Variants in RFTN1 observed in about 807,000 individuals in gnomAD.
The protein encoded by RFTN1 is raftlin, lipid raft linker 1.
Under a neutral mutation model 46.5 loss-of-function variants are expected in RFTN1, and 26 were observed. That is an observed-to-expected ratio of 0.56 (90% confidence interval 0.41 to 0.78). RFTN1 has a LOEUF of 0.78. Ranked by LOEUF, RFTN1 falls within the 30% of genes least tolerant of loss-of-function variation. The pLI, the probability that RFTN1 is intolerant of heterozygous loss-of-function variation, is 0.00. For synonymous variants in RFTN1, 261 were observed against 284.2 expected (o/e 0.92, Z 0.82); for missense variants, 693 against 718.7 (o/e 0.96, Z 0.41).
chr3:16,362,992 C>G (rs1182466008), intron 6 of RFTN1, among the ~76,000 whole-genome samples: 1 of 152,198 alleles, frequency 6.6e-6, no homozygotes, highest in Non-Finnish European at 1.5e-5. Flanking sequence ...ACACCCAGAT[C>G]CTTATTCACC....
intron 9 of RFTN1, among the ~76,000 whole-genome samples, chr3:16,318,105 C>A (rs913594311): frequency 6.6e-6 from 1 of 152,144 alleles, no homozygotes; most frequent in Non-Finnish European, 1.5e-5. Context: ...GTCACGCGGC[C>A]AGTAATAGAG....
chr3:16,408,335 T>C (rs1575243789), intron 4 of RFTN1, among the ~76,000 whole-genome samples: 1 of 152,184 alleles, frequency 6.6e-6, no homozygotes, highest in Non-Finnish European at 1.5e-5. Context: ...AGTTCGGCTG[T>C]TTTATTCTCT....
At position 16,391,343 on chromosome 3, in the gene RFTN1, C is replaced by T. The variant is rs759024710; in HGVS notation, c.442-13241G>A. Reference sequence around the variant, plus strand: ...TGACTCTTTTGTCCAACTTACATATCCTGGGTTACATGTATAGAATACAGT... The same window carrying T: ...TGACTCTTTTGTCCAACTTACATATTCTGGGTTACATGTATAGAATACAGT... On this transcript the variant is annotated intron_variant, in intron 4 of 9. Coordinates refer to ENST00000334133, the MANE Select transcript of RFTN1 (RefSeq NM_015150.2). Among the ~76,000 whole-genome samples the T allele has an allele frequency of 3.1e-4, 47 of 152,270 alleles. 2 individuals carry two copies. Among genetic ancestry groups the T allele is most frequent in the Admixed American group, 2.1e-3 (32 of 15,306 alleles).
At chr3:16,319,664 G>C (rs143650357) in intron 9 of RFTN1, among the ~76,000 whole-genome samples, 1 of 152,206 alleles carries the variant, frequency 6.6e-6, no homozygotes, top group Non-Finnish European at 1.5e-5. Context: ...GCCACATCCA[G>C]TTTCCTGTAG....
At chr3:16,390,160 G>A (rs549855359) in intron 4 of RFTN1, among the ~76,000 whole-genome samples, 30 of 152,294 alleles carry the variant, frequency 2.0e-4, no homozygotes, top group Admixed American at 1.5e-3. Flanking sequence ...GACTGCTATT[G>A]TTTAAAGCCA....
rs1238105051 is a variant in RFTN1 at position 16,460,842 on chromosome 3, C to T, written c.146-26805G>A. On this transcript the variant is annotated intron_variant, in intron 2 of 9. Transcript: ENST00000334133. This position sits in a 1 kb window ranked among gnomAD's most constrained non-coding sequence, Gnocchi z 4.8. ...CCACAGCTGTGAAGTGGCCCACTCT[C>T]TCCCACCTACCCACCCCAGAATTTC... Among the ~76,000 whole-genome samples the T allele has an allele frequency of 1.3e-5, 2 of 152,252 alleles. No individual in the cohort carries two copies. The highest frequency in any genetic ancestry group is 2.9e-5 in the Non-Finnish European group (2 of 68,040).
At position 16,459,153 on chromosome 3, in the gene RFTN1, A is replaced by G. The variant is rs1010658678; in HGVS notation, c.146-25116T>C. ...TCGCTGTTGCTCAGGCTAGTCTTGAACCCCTGGGCTCAAGCAATCCACTCG... is the reference window on the plus strand; with the variant it reads ...TCGCTGTTGCTCAGGCTAGTCTTGAGCCCCTGGGCTCAAGCAATCCACTCG... On this transcript the variant is annotated intron_variant, in intron 2 of 9. Transcript: ENST00000334133. This position sits in a 1 kb window ranked among gnomAD's most constrained non-coding sequence, Gnocchi z 4.2. Among the ~76,000 whole-genome samples the G allele has an allele frequency of 6.6e-5, 10 of 151,680 alleles. No individual in the cohort carries two copies. Among genetic ancestry groups the G allele is most frequent in the African/African-American group, 2.4e-4 (10 of 41,224 alleles).
chr3:16,387,962 C>T lies in RFTN1; in HGVS notation c.442-9860G>A, dbSNP rs1489336292. Reference sequence around the variant, plus strand: ...TGCATGCTGGCCTGTATACAGCCCTCACAGCAGCCAGGCTGGTATCTGAAA... The same window carrying T: ...TGCATGCTGGCCTGTATACAGCCCTTACAGCAGCCAGGCTGGTATCTGAAA... On this transcript the variant is annotated intron_variant, in intron 4 of 9. Coordinates refer to ENST00000334133, the MANE Select transcript of RFTN1 (RefSeq NM_015150.2). The surrounding 1 kb of genome is among the most constrained non-coding windows in gnomAD (Gnocchi z 5.2). Among the ~76,000 whole-genome samples the T allele has an allele frequency of 6.6e-6, 1 of 151,258 alleles. No individual in the cohort carries two copies. The highest frequency in any genetic ancestry group is 1.5e-5 in the Non-Finnish European group (1 of 68,044).
chr3:16,459,984 A>G lies in RFTN1; in HGVS notation c.146-25947T>C, dbSNP rs1242014157. 2.0e-5 allele frequency among the ~76,000 whole-genome samples: 3 copies of G among 152,354 alleles called. No homozygotes were observed. The highest frequency in any genetic ancestry group is 6.5e-5 in the Admixed American group (1 of 15,310). ...AACTGAAGCCAAGACATTTTTGAGA[A>G]CATGAATTTTCCATATGATTGACTT... On this transcript the variant is annotated intron_variant, in intron 2 of 9. Transcript: ENST00000334133. This position sits in a 1 kb window ranked among gnomAD's most constrained non-coding sequence, Gnocchi z 4.2.
At position 16,443,294 on chromosome 3, in the gene RFTN1, T is replaced by C. The variant is rs1457686411; in HGVS notation, c.146-9257A>G. Among the ~76,000 whole-genome samples the C allele has an allele frequency of 6.6e-6, 1 of 152,198 alleles. No homozygotes were observed. The highest frequency in any genetic ancestry group is 2.4e-5 in the African/African-American group (1 of 41,452). On this transcript the variant is annotated intron_variant, in intron 2 of 9. Coordinates refer to ENST00000334133, the MANE Select transcript of RFTN1 (RefSeq NM_015150.2). This position sits in a 1 kb window ranked among gnomAD's most constrained non-coding sequence, Gnocchi z 5.5. ...ACAGGTGTGAGCTGATATCTCACTGTGGTTTTGATTTGCATTTCTCTGATG... is the reference window on the plus strand; with the variant it reads ...ACAGGTGTGAGCTGATATCTCACTGCGGTTTTGATTTGCATTTCTCTGATG...
Position 16,433,155 on chromosome 3 carries a change from C to T in RFTN1, c.332+696G>A, listed in dbSNP as rs1162838704. On this transcript the variant is annotated intron_variant, in intron 3 of 9. Transcript: ENST00000334133. This position sits in a 1 kb window ranked among gnomAD's most constrained non-coding sequence, Gnocchi z 4.4. ...GAAAGCAGGAAAAACATACTGCTCT[C>T]TCCATCCCATCCTCACTGTTTTTTT... 1.3e-5 allele frequency among the ~76,000 whole-genome samples: 2 copies of T among 148,940 alleles called. No individual in the cohort carries two copies. The highest frequency in any genetic ancestry group is 1.3e-4 in the Admixed American group (2 of 14,870).
At chr3:16,355,917 T>C (rs2072402513) in intron 7 of RFTN1, among the ~76,000 whole-genome samples, 2 of 152,238 alleles carry the variant, frequency 1.3e-5, no homozygotes, top group African/African-American at 4.8e-5. Flanking sequence ...CATTTTAATA[T>C]ACAGACAGCA....
In RFTN1 at chr3:16,329,333, C is replaced by T. The variant is rs796859365; in HGVS notation, c.1147-2457G>A. Among the ~76,000 whole-genome samples the T allele has an allele frequency of 1.4e-5, 2 of 147,720 alleles. No homozygotes were observed. The highest frequency in any genetic ancestry group is 2.1e-4 in the South Asian group (1 of 4,712). On this transcript the variant is annotated intron_variant, in intron 7 of 9. Coordinates refer to ENST00000334133, the MANE Select transcript of RFTN1 (RefSeq NM_015150.2). The surrounding 1 kb of genome is among the most constrained non-coding windows in gnomAD (Gnocchi z 4.5). The stretch of plus-strand genomic sequence containing the variant: ...ACAGCACAAGTGGACCGAGACAGGG[C>T]GGAAGTGGAGAAAGGGAAAGGGAAA...
intron 9 of RFTN1, among the ~76,000 whole-genome samples, chr3:16,318,293 G>A (rs2068657426): frequency 6.6e-6 from 1 of 152,136 alleles, no homozygotes; most frequent in Admixed American, 6.5e-5. Context: ...TGCTTCAGCT[G>A]TTATCTCATT....
chr3:16,418,393 T>C lies in RFTN1; in HGVS notation c.333-8910A>G, dbSNP rs1035519137. 2.6e-5 allele frequency among the ~76,000 whole-genome samples: 4 copies of C among 152,218 alleles called. No individual in the cohort carries two copies. Among genetic ancestry groups the C allele is most frequent in the African/African-American group, 4.8e-5 (2 of 41,460 alleles). On this transcript the variant is annotated intron_variant, in intron 3 of 9. Coordinates refer to ENST00000334133, the MANE Select transcript of RFTN1 (RefSeq NM_015150.2). This position sits in a 1 kb window ranked among gnomAD's most constrained non-coding sequence, Gnocchi z 5.0. ...ATCCCTTAGATCTCTTCAAAGACCATGAGTTTAAACGATGTCTTCTTTTTC... is the reference window on the plus strand; with the variant it reads ...ATCCCTTAGATCTCTTCAAAGACCACGAGTTTAAACGATGTCTTCTTTTTC...
chr3:16,374,315 G>A lies in RFTN1; in HGVS notation c.826+3403C>T, dbSNP rs2073656242. Among the ~76,000 whole-genome samples, 1 of 152,222 alleles carries A rather than the reference G, an allele frequency of 6.6e-6. No homozygotes were observed. The highest frequency in any genetic ancestry group is 6.5e-5 in the Admixed American group (1 of 15,284). On this transcript the variant is annotated intron_variant, in intron 5 of 9. Transcript: ENST00000334133. This position sits in a 1 kb window ranked among gnomAD's most constrained non-coding sequence, Gnocchi z 5.4. ...CTTCATCAGGACACAGAAGGCAGGG[G>A]CTGATGACCGTGGGTGGGAGCTCAA...
chr3:16,330,961 C>G (rs537031063), intron 7 of RFTN1, among the ~76,000 whole-genome samples: 5 of 152,276 alleles, frequency 3.3e-5, no homozygotes, highest in Admixed American at 3.3e-4. Flanking sequence ...TGTGTTTCAT[C>G]CTGTGGAAGC....
intron 7 of RFTN1, chr3:16,349,684 A>G (rs967931564): frequency 2.0e-5 from 3 of 152,274 alleles, no homozygotes; most frequent in African/African-American, 7.2e-5. Flanking sequence ...AAATTTGGCT[A>G]AAGTCTAAGA....
At position 16,489,866 on chromosome 3, in the gene RFTN1, A is replaced by G. The variant is rs1320188078; in HGVS notation, c.145+3859T>C. On this transcript the variant is annotated intron_variant, in intron 2 of 9. Coordinates refer to ENST00000334133, the MANE Select transcript of RFTN1 (RefSeq NM_015150.2). This position sits in a 1 kb window ranked among gnomAD's most constrained non-coding sequence, Gnocchi z 4.0. Reference sequence around the variant, plus strand: ...GAGGTTGCAGTGAGCTGAGATCACAACATTGCACTCCAGCCTAGGTGACAG... The same window carrying G: ...GAGGTTGCAGTGAGCTGAGATCACAGCATTGCACTCCAGCCTAGGTGACAG... Among the ~76,000 whole-genome samples, 1 of 151,912 alleles carries G rather than the reference A, an allele frequency of 6.6e-6. No individual in the cohort carries two copies. The highest frequency in any genetic ancestry group is 1.9e-4 in the East Asian group (1 of 5,166).
Sources: allele counts gnomAD v4.1 joint callset (sites outside exome capture counted in the v4.1 genomes callset), GRCh38; gene constraint gnomAD v4.1.1; non-coding constraint Gnocchi (gnomAD v3.1); transcripts MANE v1.5; gene names NCBI Gene and HGNC (gene_info 2026-07-23, HGNC 2026-07-21).